Variants in STK40 observed in about 807,000 individuals in gnomAD.
STK40 encodes the protein serine/threonine-protein kinase 40.
Under a neutral mutation model 47.9 loss-of-function variants are expected in STK40, and 13 were observed. That is an observed-to-expected ratio of 0.27 (90% CI 0.18 to 0.43). STK40 has a LOEUF of 0.43. Among genes scored for constraint, STK40 ranks in the 20% least tolerant of loss-of-function variants. The pLI, the probability that STK40 is intolerant of heterozygous loss-of-function variation, is 1.00. For missense variants in STK40, 460 were observed against 595.1 expected (o/e 0.77, Z 2.36); for synonymous variants, 225 against 243.2 (o/e 0.93, Z 0.69).
chr1:36,372,159 A>AAC (rs1177092434), intron 1 of STK40, among the ~76,000 whole-genome samples: 4 of 151,890 alleles, frequency 2.6e-5, no homozygotes, highest in Non-Finnish European at 4.4e-5. Flanking sequence ...ACCTCCCCAC[A>AAC]ACACACACAC....
At position 36,358,362 on chromosome 1, in the gene STK40, C is replaced by G. The variant is rs748961216; in HGVS notation, c.219G>C (p.Arg73Ser). 3 of 1,604,576 alleles carry G rather than the reference C, an allele frequency of 1.9e-6. No individual in the cohort carries two copies. The highest frequency in any genetic ancestry group is 2.6e-6 in the Non-Finnish European group (3 of 1,172,018). Reference sequence around the variant, plus strand: ...CCTGGCTCTCTATGCCTTGGTCCCCCCTCTCCTCCAGGGTCAGGATCTTTA... The same window carrying G: ...CCTGGCTCTCTATGCCTTGGTCCCCGCTCTCCTCCAGGGTCAGGATCTTTA... Reference protein sequence around the residue: ...YQLKILTLEERGDQGIESQEE... With the variant: ...YQLKILTLEESGDQGIESQEE... Residue 73 changes from arginine to serine, a missense_variant, in exon 4 of 11, where the codon AGG (arginine) becomes AGC (serine). Arg to Ser is a moderately radical substitution (Grantham distance 110, BLOSUM62 -1). Around this residue, in one of 3 missense-constraint regions of STK40, gnomAD observed 277 missense variants for 358.7 expected, o/e 0.77. Transcript: ENST00000373132.
chr1:36,360,552 T>TTTTG (rs1646843121), intron 2 of STK40, among the ~76,000 whole-genome samples: 2 of 151,548 alleles, frequency 1.3e-5, no homozygotes, highest in African/African-American at 4.9e-5. Flanking sequence ...TTTATTTTTT[T>TTTTG]AGAGAGAGAG....
intron 1 of STK40, 82 bp from the exon 2 acceptor site, chr1:36,361,422 T>C (rs1646851435): frequency 6.3e-7 from 1 of 1,585,552 alleles, no homozygotes; most frequent in Non-Finnish European, 8.6e-7. Context: ...GCCTTTGACT[T>C]GGGATGCATC....
At chr1:36,373,745 A>G (rs1049566941) in intron 1 of STK40, among the ~76,000 whole-genome samples, 4 of 152,260 alleles carry the variant, frequency 2.6e-5, no homozygotes, top group Admixed American at 2.0e-4. Flanking sequence ...TTTAAAACGC[A>G]GGACATGTAT....
chr1:36,358,858 AG>A (rs756988372), intron 2 of STK40, 36 bp from the exon 3 acceptor site: 61 of 1,613,800 alleles, frequency 3.8e-5, no homozygotes, highest in Middle Eastern at 3.3e-4. Context: ...ACTTTTCAGA[AG>A]CCCTGGCTGT....
intron 1 of STK40, among the ~76,000 whole-genome samples, chr1:36,366,708 T>TC (rs1457741235): frequency 2.6e-5 from 4 of 151,812 alleles, no homozygotes; most frequent in African/African-American, 4.8e-5. Context: ...GGAGCCCAGG[T>TC]CCCCCCAGAC....
chr1:36,364,305 G>C (rs1002265797), intron 1 of STK40, among the ~76,000 whole-genome samples: 1 of 152,174 alleles, frequency 6.6e-6, no homozygotes, highest in Admixed American at 6.5e-5. Context: ...ATGTTTTTAA[G>C]GTATTTGACA....
At chr1:36,352,265 G>A (rs937616159) in intron 6 of STK40, among the ~76,000 whole-genome samples, 2 of 152,166 alleles carry the variant, frequency 1.3e-5, no homozygotes, top group African/African-American at 4.8e-5. Context: ...GTCTCTCAGC[G>A]ACAGGCTCTC....
intron 1 of STK40, among the ~76,000 whole-genome samples, chr1:36,385,079 T>A (rs1234282566): frequency 6.6e-6 from 1 of 152,226 alleles, no homozygotes; most frequent in Non-Finnish European, 1.5e-5. Flanking sequence ...GGAATCCGAA[T>A]GTCCCTACCT....
chr1:36,356,412 C>CTTTTTCT (rs1646804408), intron 4 of STK40, among the ~76,000 whole-genome samples: 5 of 134,298 alleles, frequency 3.7e-5, no homozygotes, highest in Admixed American at 1.4e-4. Context: ...CACATTTCTT[C>CTTTTTCT]TTTTTCTTTT....
At position 36,345,991 on chromosome 1, in the gene STK40, A is replaced by ATATTTTTTTTTTT; in HGVS notation, c.740-1728_740-1727insAAAAAAAAAAATA. Among the ~76,000 whole-genome samples, 153 of 26,458 alleles carry ATATTTTTTTTTTT rather than the reference A, an allele frequency of 5.8e-3. 1 individual carries two copies. Among genetic ancestry groups the ATATTTTTTTTTTT allele is most frequent in the Non-Finnish European group, 8.3e-3 (120 of 14,426 alleles). 17.4% of individuals were successfully genotyped at this position (26,458 alleles called of 152,430 possible). A position where few individuals can be genotyped will look rare whatever the true frequency, so the allele number is the denominator to read the frequency against. ...TACATATATATATATATATATATAT[A>ATATTTTTTTTTTT]TTTTTTTTTTTTTTTTTTCCTGAGA... On this transcript the variant is annotated intron_variant, in intron 7 of 10. Coordinates refer to ENST00000373132, the MANE Select transcript of STK40 (RefSeq NM_001282547.2).
At chr1:36,370,769 G>T (rs1646938921) in intron 1 of STK40, among the ~76,000 whole-genome samples, 1 of 152,132 alleles carries the variant, frequency 6.6e-6, no homozygotes, top group Non-Finnish European at 1.5e-5. Flanking sequence ...ATATCCATGG[G>T]GGATTGGTTC....
At chr1:36,348,658 T>C in intron 7 of STK40, 42 bp downstream of exon 7, 2 of 1,542,672 alleles carry the variant, frequency 1.3e-6, no homozygotes, top group South Asian at 1.2e-5. Flanking sequence ...AGAGCCTGGC[T>C]GTATTGAGCT....
intron 6 of STK40, among the ~76,000 whole-genome samples, chr1:36,349,369 GA>G (rs1289189987): frequency 6.6e-6 from 1 of 152,246 alleles, no homozygotes; most frequent in Admixed American, 6.5e-5. Context: ...AGTGGCCAAT[GA>G]GGGGGATTTT....
chr1:36,350,987 C>T (rs532367432), intron 6 of STK40, among the ~76,000 whole-genome samples: 2 of 152,306 alleles, frequency 1.3e-5, no homozygotes, highest in South Asian at 2.1e-4. Flanking sequence ...CCCCGGGAGT[C>T]CCAGACCCCC....
chr1:36,350,888 G>A (rs1383655068), intron 6 of STK40, among the ~76,000 whole-genome samples: 1 of 152,220 alleles, frequency 6.6e-6, no homozygotes, highest in Non-Finnish European at 1.5e-5. Flanking sequence ...TCTCTCCACA[G>A]GAAGTGGCAC....
intron 10 of STK40, 93 bp from the exon 11 acceptor site, chr1:36,342,066 G>A (rs183952517): frequency 2.5e-6 from 3 of 1,204,014 alleles, no homozygotes; most frequent in East Asian, 2.6e-5. Flanking sequence ...CTGGCAGCCT[G>A]GCTCCTGCAG....
intron 1 of STK40, among the ~76,000 whole-genome samples, chr1:36,369,261 T>C (rs904527968): frequency 2.6e-5 from 4 of 152,128 alleles, no homozygotes; most frequent in Admixed American, 2.6e-4. Flanking sequence ...AGGTGCAGGA[T>C]GGTGGGGCCC....
chr1:36,358,414 C>A (rs754594912), intron 3 of STK40, 32 bp from the exon 4 acceptor site: 1 of 1,575,192 alleles, frequency 6.3e-7, no homozygotes, highest in Non-Finnish European at 8.7e-7. Context: ...AAACCAAAAC[C>A]AGAACACCTC....
Sources: gnomAD v4.1 joint callset for allele counts (sites outside exome capture counted in the v4.1 genomes callset) on GRCh38, gnomAD v4.1.1 for gene constraint, gnomAD v4.1.1 regional missense constraint, MANE v1.5 for transcripts, NCBI Gene and HGNC (gene_info 2026-07-23, HGNC 2026-07-21) for gene names.